Variants in NTRK2 observed in about 807,000 individuals in gnomAD.
NTRK2 encodes the protein neurotrophic receptor tyrosine kinase 2.
NTRK2 carries 13 observed loss-of-function variants against 94.5 expected under a neutral mutation model. The observed-to-expected ratio is 0.14, with a 90% confidence interval of 0.09 to 0.22. The LOEUF is 0.22. NTRK2 is among the 10% of genes least tolerant of loss of function. The pLI is 1.00. For synonymous variants in NTRK2, 372 were observed against 407.4 expected (o/e 0.91, Z 1.05); for missense variants, 639 against 1,071.2 (o/e 0.60, Z 5.63).
chr9:84,798,159 C>T (rs1273578425), intron 12 of NTRK2, among the ~76,000 whole-genome samples: 1 of 151,754 alleles, frequency 6.6e-6, no homozygotes, highest in African/African-American at 2.4e-5. Context: ...ATAGATGGCA[C>T]CTTCTCATTG....
At chr9:84,806,553 A>T (rs1249443192) in intron 12 of NTRK2, among the ~76,000 whole-genome samples, 2 of 152,198 alleles carry the variant, frequency 1.3e-5, no homozygotes, top group Non-Finnish European at 2.9e-5. Flanking sequence ...TTTGCCAAAG[A>T]GGGACTGACA....
chr9:84,938,040 C>T (rs1229961589), intron 15 of NTRK2, among the ~76,000 whole-genome samples: 1 of 152,154 alleles, frequency 6.6e-6, no homozygotes, highest in Admixed American at 6.5e-5. Flanking sequence ...ACCCAAGCCT[C>T]ATGTTTTATG....
rs748051652 is a variant in NTRK2, at chr9:84,826,641, C to T, written c.1397-34399C>T. On this transcript the variant is annotated intron_variant, in intron 12 of 18. Transcript: ENST00000277120. ...ATCCCTGTTTGGCCCATGATGTGGA[C>T]GTATCCCCTAACCTCACTAAATCTC... Among the ~76,000 whole-genome samples, 7 of 152,256 alleles carry T rather than the reference C, an allele frequency of 4.6e-5. No individual in the cohort carries two copies. The East Asian group carries it at 5.8e-4, about 13-fold the overall frequency.
intron 12 of NTRK2, among the ~76,000 whole-genome samples, chr9:84,835,368 T>G (rs1219487028): frequency 6.6e-6 from 1 of 152,154 alleles, no homozygotes; most frequent in Non-Finnish European, 1.5e-5. Context: ...TGCTAAGCTG[T>G]ATTCTGTCAG....
chr9:84,768,866 A>G (rs1159781071), intron 12 of NTRK2, among the ~76,000 whole-genome samples: 6 of 152,076 alleles, frequency 3.9e-5, no homozygotes, highest in African/African-American at 7.2e-5. Context: ...TCCTGGATAA[A>G]CCAATGTAAC....
chr9:84,798,865 AGC>A (rs149922241), intron 12 of NTRK2, among the ~76,000 whole-genome samples: 2,683 of 149,668 alleles, frequency 0.018, 91 homozygotes, highest in African/African-American at 0.062. Flanking sequence ...TAATGGAAAC[AGC>A]TGATATTTAC....
rs528017448 is a variant in NTRK2 at position 84,812,389 on chromosome 9, G to A, written c.1397-48651G>A. 25 of 1,057,604 alleles carry A rather than the reference G, an allele frequency of 2.4e-5. No homozygotes were observed. The Admixed American group carries it at 4.9e-4, about 21-fold the overall frequency. 65.5% of individuals were successfully genotyped at this position (1,057,604 alleles called of 1,614,324 possible). A position where few individuals can be genotyped will look rare whatever the true frequency, so the allele number is the denominator to read the frequency against. The stretch of plus-strand genomic sequence containing the variant: ...AGTTTCTCAAAAGCAGAAACATGCC[G>A]CCAGTTCTCAAGTTTTCCTCCTAAC... On this transcript the variant is annotated intron_variant, in intron 12 of 18. Transcript: ENST00000277120.
At chr9:84,675,960 T>A (rs990095352) in intron 2 of NTRK2, among the ~76,000 whole-genome samples, 16 of 152,204 alleles carry the variant, frequency 1.1e-4, no homozygotes, top group African/African-American at 3.9e-4. Context: ...GGGAGATGGA[T>A]GAGTGAATGT....
chr9:84,909,113 C>T (rs1276927773), intron 14 of NTRK2, among the ~76,000 whole-genome samples: 2 of 152,098 alleles, frequency 1.3e-5, no homozygotes, highest in South Asian at 2.1e-4. Context: ...CTGGAACCCA[C>T]TATTCTATTC....
Position 84,926,106 on chromosome 9 carries a change from TTTCC to T in NTRK2, c.1634-7993_1634-7990del, listed in dbSNP as rs1197073231. 4.1e-3 allele frequency among the ~76,000 whole-genome samples: 449 copies of T among 108,646 alleles called. 2 individuals carry two copies. The highest frequency in any genetic ancestry group is 7.4e-3 in the African/African-American group (190 of 25,552). The allele number at this position is 108,646 out of a possible 152,430, so 71.3% of individuals were successfully genotyped here. A position where few individuals can be genotyped will look rare whatever the true frequency, so the allele number is the denominator to read the frequency against. Reference sequence around the variant, plus strand: ...TTCCCTTCCTTCCTTCCTTCCTTCCTTTCCTTCCTTCCTTCCTTCCTTCCTTCCT... The same window carrying T: ...TTCCCTTCCTTCCTTCCTTCCTTCCTTTCCTTCCTTCCTTCCTTCCTTCCT... On this transcript the variant is annotated intron_variant, in intron 14 of 18. Coordinates refer to ENST00000277120, the MANE Select transcript of NTRK2 (RefSeq NM_006180.6).
At chr9:84,856,013 T>C (rs1053394450) in intron 12 of NTRK2, among the ~76,000 whole-genome samples, 1 of 152,196 alleles carries the variant, frequency 6.6e-6, no homozygotes, top group African/African-American at 2.4e-5. Context: ...ATCGTGTAGC[T>C]ATTAGCCCAG....
At chr9:84,758,126 T>TTA (rs755417471) in intron 12 of NTRK2, among the ~76,000 whole-genome samples, 17 of 151,330 alleles carry the variant, frequency 1.1e-4, no homozygotes, top group East Asian at 5.8e-4. Flanking sequence ...ACTTTGCCAA[T>TTA]TATATATATA....
At position 84,872,358 on chromosome 9, in the gene NTRK2, C is replaced by T; in HGVS notation, c.1633+4927C>T. On this transcript the variant is annotated intron_variant, in intron 14 of 18. Coordinates refer to ENST00000277120, the MANE Select transcript of NTRK2 (RefSeq NM_006180.6). Reference sequence around the variant, plus strand: ...ATCCCCAAATCATCAATCTTGGGTTCTCTTGAAGGGCAGGAGTGTGTTTTA... The same window carrying T: ...ATCCCCAAATCATCAATCTTGGGTTTTCTTGAAGGGCAGGAGTGTGTTTTA... 9.1e-6 allele frequency: 10 copies of T among 1,099,950 alleles called. No individual in the cohort carries two copies. In the South Asian group the frequency reaches 1.6e-4, roughly 17 times the overall value. The allele number at this position is 1,099,950 out of a possible 1,614,324, so 68.1% of individuals were successfully genotyped here. A position where few individuals can be genotyped will look rare whatever the true frequency, so the allele number is the denominator to read the frequency against.
Position 84,870,331 on chromosome 9 carries a change from GTA to G in NTRK2, c.1633+2933_1633+2934del, listed in dbSNP as rs1158637577. Among the ~76,000 whole-genome samples the G allele has an allele frequency of 8.7e-3, 272 of 31,174 alleles. 9 individuals are homozygous for G. The highest frequency in any genetic ancestry group is 0.035 in the East Asian group (31 of 894). The allele number at this position is 31,174 out of a possible 152,430, so 20.5% of individuals were successfully genotyped here. A position where few individuals can be genotyped will look rare whatever the true frequency, so the allele number is the denominator to read the frequency against. On this transcript the variant is annotated intron_variant, in intron 14 of 18. Coordinates refer to ENST00000277120, the MANE Select transcript of NTRK2 (RefSeq NM_006180.6). ...ATACATATATGTGGGGTGTGTGTGT[GTA>G]TATATATATATATATATATATATAT...
intron 14 of NTRK2, among the ~76,000 whole-genome samples, chr9:84,925,351 C>A (rs991271201): frequency 6.6e-6 from 1 of 152,006 alleles, no homozygotes; most frequent in African/African-American, 2.4e-5. Context: ...CTGCATCCTC[C>A]GCCCCCTCCC....
chr9:84,894,420 C>T (rs2076697799), intron 14 of NTRK2, among the ~76,000 whole-genome samples: 2 of 152,302 alleles, frequency 1.3e-5, no homozygotes, highest in East Asian at 3.9e-4. Flanking sequence ...ACTCCTTTGA[C>T]TTCTTGCAGT....
intron 15 of NTRK2, among the ~76,000 whole-genome samples, chr9:84,945,171 G>T (rs2078555381): frequency 6.6e-6 from 1 of 152,126 alleles, no homozygotes. Context: ...TCTTTTCCTG[G>T]TCCGTCTTTC....
chr9:84,813,058 T>C, intron 12 of NTRK2: 1 of 1,038,726 alleles, frequency 9.6e-7, no homozygotes, highest in South Asian at 4.6e-5. Context: ...CCATAAGAAA[T>C]GTGCTTTTTA....
chr9:84,943,176 C>T (rs2078472153), intron 15 of NTRK2, among the ~76,000 whole-genome samples: 1 of 152,088 alleles, frequency 6.6e-6, no homozygotes, highest in Admixed American at 6.6e-5. Context: ...AGAACACAAC[C>T]TCTATTTTAC....
Sources: allele counts gnomAD v4.1 joint callset (sites outside exome capture counted in the v4.1 genomes callset), GRCh38; gene constraint gnomAD v4.1.1; transcripts MANE v1.5; gene names NCBI Gene and HGNC (gene_info 2026-07-23, HGNC 2026-07-21).